FBXO15: variants seen among roughly 807,000 people sequenced by gnomAD.
FBXO15 encodes F-box protein 15, also known as F-box only protein 15.
A neutral mutation model predicts 49.5 loss-of-function variants in FBXO15; 30 were observed. The observed-to-expected ratio is 0.61, with a 90% CI of 0.45 to 0.82. The LOEUF is 0.82. Ranked by LOEUF, FBXO15 falls within the 40% of genes least tolerant of loss-of-function variation. The pLI is 0.00. For synonymous variants in FBXO15, 250 were observed against 232.7 expected (o/e 1.07, Z -0.68); for missense variants, 591 against 631.5 (o/e 0.94, Z 0.69).
rs138346834 is a variant in FBXO15, at chr18:74,147,040, T to C, written c.116+630A>G. 28 of 152,336 alleles carry C rather than the reference T, an allele frequency of 1.8e-4. 1 individual carries two copies. Among genetic ancestry groups the C allele is most frequent in the Admixed American group, 1.4e-3 (22 of 15,308 alleles). 9.4% of individuals were successfully genotyped at this position (152,336 alleles called of 1,614,324 possible). ...AGAGGGATTTCATAAGGTACCATTA[T>C]GCATGCTGATACTTCTGATGCACTG... On this transcript the variant is annotated intron_variant, in intron 1 of 9. Coordinates refer to ENST00000419743, the MANE Select transcript of FBXO15 (RefSeq NM_001142958.2).
intron 8 of FBXO15, among the ~76,000 whole-genome samples, chr18:74,094,429 G>C (rs112195139): frequency 6.6e-6 from 1 of 152,058 alleles, no homozygotes; most frequent in Non-Finnish European, 1.5e-5. Context: ...TAAGCTTCCC[G>C]AGGCCTCCTT....
At chr18:74,128,867 C>G (rs917119634) in intron 5 of FBXO15, among the ~76,000 whole-genome samples, 1 of 152,140 alleles carries the variant, frequency 6.6e-6, no homozygotes, top group Non-Finnish European at 1.5e-5. Context: ...ATCTTTTGAT[C>G]GATCTTATTC....
At chr18:74,110,555 A>G (rs565228008) in intron 8 of FBXO15, among the ~76,000 whole-genome samples, 2 of 152,204 alleles carry the variant, frequency 1.3e-5, no homozygotes, top group South Asian at 4.1e-4. Flanking sequence ...TATCTCTCCA[A>G]CTATATCGAT....
intron 8 of FBXO15, among the ~76,000 whole-genome samples, chr18:74,088,213 C>G (rs1912835663): frequency 6.6e-6 from 1 of 152,088 alleles, no homozygotes; most frequent in Non-Finnish European, 1.5e-5. Flanking sequence ...TAAAGTAAGT[C>G]CCATTTGTCA....
chr18:74,117,291 A>C (rs9955152), intron 8 of FBXO15, among the ~76,000 whole-genome samples: 7,338 of 152,056 alleles, frequency 0.048, 613 homozygotes, highest in African/African-American at 0.16. Context: ...ATTATTCCTA[A>C]CTCAGTTTCC....
In FBXO15 at chr18:74,134,428, T is replaced by C. The variant is rs191388409; in HGVS notation, c.332+1334A>G. ...CTCTGTCACCCAGGCTAGAGTGCAGTGGCGATCTCAGCTCACTGCAAGCTC... is the reference window on the plus strand; with the variant it reads ...CTCTGTCACCCAGGCTAGAGTGCAGCGGCGATCTCAGCTCACTGCAAGCTC... On this transcript the variant is annotated intron_variant, in intron 3 of 9. Transcript: ENST00000419743. Among the ~76,000 whole-genome samples the C allele has an allele frequency of 5.5e-3, 812 of 148,000 alleles. 8 individuals are homozygous for C. Among genetic ancestry groups the C allele is most frequent in the African/African-American group, 0.02 (780 of 39,822 alleles).
At chr18:74,113,391 T>C (rs1299801742) in intron 8 of FBXO15, among the ~76,000 whole-genome samples, 1 of 152,172 alleles carries the variant, frequency 6.6e-6, no homozygotes. Flanking sequence ...TTAATATTTG[T>C]CAAAACTCAT....
At chr18:74,121,897 T>C (rs574057121) in intron 8 of FBXO15, among the ~76,000 whole-genome samples, 23 of 152,180 alleles carry the variant, frequency 1.5e-4, no homozygotes, top group Non-Finnish European at 2.8e-4. Context: ...GTTTGCAAGA[T>C]GGCAGATAAG....
At position 74,073,731 on chromosome 18, in the gene FBXO15, C is replaced by G; in HGVS notation, c.1264-1G>C. On this transcript the variant is annotated splice_acceptor_variant, in intron 9 of 9. Transcript: ENST00000419743. LOFTEE classifies it high-confidence loss of function. ...GAGTTACGTCCATCATGGAACAACT[C>G]TGCAAAATAAACACAGATTGACAAG... 6.2e-7 allele frequency: 1 copy of G among 1,606,970 alleles called. No homozygotes were observed. The highest frequency in any genetic ancestry group is 8.5e-7 in the Non-Finnish European group (1 of 1,176,474).
Position 74,130,489 on chromosome 18 carries a change from C to A in FBXO15, c.502G>T (p.Ala168Ser). The A allele has an allele frequency of 1.2e-6, 2 of 1,614,140 alleles. No homozygotes were observed. The highest frequency in any genetic ancestry group is 1.7e-6 in the Non-Finnish European group (2 of 1,180,000). Residue 168 changes from alanine (A) to serine (S), a missense_variant, in exon 4 of 10, where the codon GCC (alanine) becomes TCC (serine). Physicochemically the swap from Ala to Ser is moderately conservative, Grantham distance 99 (BLOSUM62 1). Coordinates refer to ENST00000419743, the MANE Select transcript of FBXO15 (RefSeq NM_001142958.2). Reference protein sequence around the residue: ...YITKQIASVKAALADILKPVN... With the variant: ...YITKQIASVKSALADILKPVN... ...GGTTTGAGAATGTCAGCTAGTGCGG[C>A]TTTTACAGATGCTATTTGTTTTGTG...
Position 74,147,685 on chromosome 18 carries a change from C to T in FBXO15, c.101G>A (p.Arg34Lys). The change falls in exon 1 of 10, where the codon AGG (arginine) becomes AAG (lysine). Residue 34 changes from arginine (R) to lysine (K), a missense_variant. Coordinates refer to ENST00000419743, the MANE Select transcript of FBXO15 (RefSeq NM_001142958.2). ...RGGGAARGRA[R>K]AFGCRKGPGV... ...CTACAGTCACCTGCACCCAAAGGCCCTGGCGCGCCCCCGGGCCGCGCCACC... is the reference window on the plus strand; with the variant it reads ...CTACAGTCACCTGCACCCAAAGGCCTTGGCGCGCCCCCGGGCCGCGCCACC... 1.3e-6 allele frequency: 2 copies of T among 1,496,650 alleles called. No individual in the cohort carries two copies. The highest frequency in any genetic ancestry group is 1.8e-6 in the Non-Finnish European group (2 of 1,127,620). 92.7% of individuals were successfully genotyped at this position (1,496,650 alleles called of 1,614,324 possible). A position where few individuals can be genotyped will look rare whatever the true frequency, so the allele number is the denominator to read the frequency against.
intron 8 of FBXO15, among the ~76,000 whole-genome samples, chr18:74,093,288 T>C (rs1333673031): frequency 6.8e-6 from 1 of 147,892 alleles, no homozygotes; most frequent in Non-Finnish European, 1.5e-5. Context: ...TGCAGACAAG[T>C]ACATGCTAGC....
At chr18:74,089,031 CAGATAA>C (rs1912888130) in intron 8 of FBXO15, among the ~76,000 whole-genome samples, 1 of 152,072 alleles carries the variant, frequency 6.6e-6, no homozygotes, top group Non-Finnish European at 1.5e-5. Context: ...GTTTGTTACA[CAGATAA>C]ATGTGTGTCA....
chr18:74,136,916 A>G (rs925110990), intron 2 of FBXO15, among the ~76,000 whole-genome samples: 3 of 152,214 alleles, frequency 2.0e-5, no homozygotes, highest in Admixed American at 2.0e-4. Context: ...GGGCTTGCCC[A>G]TACTGTCTAC....
intron 1 of FBXO15, among the ~76,000 whole-genome samples, chr18:74,145,421 G>C (rs1437355264): frequency 6.6e-6 from 1 of 152,086 alleles, no homozygotes; most frequent in Non-Finnish European, 1.5e-5. Flanking sequence ...GGCAACTAAA[G>C]AAACTTAAGG....
chr18:74,146,535 C>T (rs1013477858), intron 1 of FBXO15, among the ~76,000 whole-genome samples: 20 of 152,168 alleles, frequency 1.3e-4, no homozygotes, highest in Admixed American at 9.8e-4. Flanking sequence ...TTAGTAATAG[C>T]AGCAAATTGA....
intron 8 of FBXO15, among the ~76,000 whole-genome samples, chr18:74,114,239 G>T (rs1333217784): frequency 1.3e-5 from 2 of 152,208 alleles, no homozygotes; most frequent in African/African-American, 4.8e-5. Flanking sequence ...CATTAGAGCT[G>T]TCTAATGATA....
chr18:74,118,665 G>A (rs1025392050), intron 8 of FBXO15, among the ~76,000 whole-genome samples: 1 of 151,968 alleles, frequency 6.6e-6, no homozygotes, highest in African/African-American at 2.4e-5. Flanking sequence ...AATTTTTATA[G>A]AACAGTTGGT....
intron 8 of FBXO15, among the ~76,000 whole-genome samples, chr18:74,109,077 A>T (rs1156534510): frequency 2.0e-5 from 3 of 152,340 alleles, no homozygotes; most frequent in South Asian, 2.1e-4. Flanking sequence ...AAGAAAAGGA[A>T]AATGATCATC....
Sources: gnomAD v4.1 joint callset for allele counts (sites outside exome capture counted in the v4.1 genomes callset) on GRCh38, gnomAD v4.1.1 for gene constraint, MANE v1.5 for transcripts, NCBI Gene and HGNC (gene_info 2026-07-23, HGNC 2026-07-21) for gene names.